The following PAK5 variants were observed in gnomAD, a reference collection of about 807,000 sequenced individuals.
The protein encoded by PAK5 is serine/threonine-protein kinase PAK 5.
Under a neutral mutation model 65.9 loss-of-function variants are expected in PAK5, and 16 were observed. The observed-to-expected ratio is 0.24, with a 90% CI of 0.16 to 0.37. The LOEUF (loss-of-function observed/expected upper bound fraction) is 0.37, where lower values mean the gene tolerates loss of function less well. Among genes scored for constraint, PAK5 ranks in the 10% least tolerant of loss-of-function variants. The pLI, the probability that PAK5 is intolerant of heterozygous loss-of-function variation, is 1.00. For synonymous variants in PAK5, 371 were observed against 354.9 expected (o/e 1.05, Z -0.51); for missense variants, 785 against 903.9 (o/e 0.87, Z 1.69).
At chr20:9,598,402 T>C (rs2046307933) in intron 3 of PAK5, among the ~76,000 whole-genome samples, 1 of 152,212 alleles carries the variant, frequency 6.6e-6, no homozygotes, top group Non-Finnish European at 1.5e-5. Context: ...CTATTGCAGA[T>C]AGTGCTGTAA....
At chr20:9,579,092 G>A (rs1298093316) in intron 4 of PAK5, among the ~76,000 whole-genome samples, 3 of 152,190 alleles carry the variant, frequency 2.0e-5, no homozygotes, top group South Asian at 4.1e-4. Context: ...GAAAAATATC[G>A]ACTATCTATA....
Position 9,580,336 on chromosome 20 carries a change from T to A in PAK5, c.799A>T (p.Arg267Trp). Residue 267 changes from arginine (R) to tryptophan (W), a missense_variant, in exon 4 of 10, where the codon AGG (arginine) becomes TGG (tryptophan). Physicochemically the swap from Arg to Trp is moderately radical, Grantham distance 101. This residue lies in a region of PAK5 where 422 missense variants were observed against 413.3 expected (regional missense o/e 1.02). Transcript: ENST00000353224. ...WGPSLDDYDR[R>W]PKSSYLNQTS... is the part of the protein sequence containing the mutation. The stretch of plus-strand genomic sequence containing the variant: ...TGATTCAGGTACGAAGACTTTGGCC[T>A]CCTGTCATAGTCATCCAGGCTGGGT... The A allele has an allele frequency of 6.2e-7, 1 of 1,614,114 alleles. No homozygotes were observed. Among genetic ancestry groups the A allele is most frequent in the South Asian group, 1.1e-5 (1 of 91,084 alleles).
chr20:9,641,950 C>A (rs7273516), intron 3 of PAK5, among the ~76,000 whole-genome samples: 8 of 151,828 alleles, frequency 5.3e-5, no homozygotes, highest in Non-Finnish European at 8.8e-5. Context: ...CATGCAGCCC[C>A]GGTTCCCACT....
chr20:9,615,255 T>C (rs1395699440), intron 3 of PAK5, among the ~76,000 whole-genome samples: 1 of 152,168 alleles, frequency 6.6e-6, no homozygotes, highest in Admixed American at 6.5e-5. Context: ...TAGATACAGC[T>C]CAGACACTTG....
intron 1 of PAK5, among the ~76,000 whole-genome samples, chr20:9,739,230 T>TTC (rs1488139463): frequency 6.7e-6 from 1 of 148,976 alleles, no homozygotes; most frequent in Non-Finnish European, 1.5e-5. Flanking sequence ...TTTGCTTTCT[T>TTC]TTTTTTTTTT....
At chr20:9,805,731 G>A (rs1325905629) in intron 1 of PAK5, among the ~76,000 whole-genome samples, 2 of 152,126 alleles carry the variant, frequency 1.3e-5, no homozygotes, top group African/African-American at 2.4e-5. Context: ...AGGGGCCTGG[G>A]GGAGGAGAGA....
chr20:9,781,012 G>T (rs1408437938), intron 1 of PAK5, among the ~76,000 whole-genome samples: 1 of 152,000 alleles, frequency 6.6e-6, no homozygotes, highest in East Asian at 1.9e-4. Flanking sequence ...GCCTAATACA[G>T]CATCCTCAGG....
At chr20:9,547,359 C>T (rs1009777095) in intron 7 of PAK5, among the ~76,000 whole-genome samples, 1 of 152,102 alleles carries the variant, frequency 6.6e-6, no homozygotes, top group Non-Finnish European at 1.5e-5. Context: ...TTATAGCAGT[C>T]CTAGGAAATG....
chr20:9,558,043 T>TATTCATTCATTCATTC (rs35860631), intron 6 of PAK5, among the ~76,000 whole-genome samples: 225 of 138,948 alleles, frequency 1.6e-3, no homozygotes, highest in African/African-American at 4.3e-3. Context: ...TTTATTTATT[T>TATTCATTCATTCATTC]ATTCATTCAT....
chr20:9,739,026 C>G (rs2048422150), intron 1 of PAK5, among the ~76,000 whole-genome samples: 1 of 152,120 alleles, frequency 6.6e-6, no homozygotes, highest in Non-Finnish European at 1.5e-5. Context: ...TGCTCTAACT[C>G]CTCTACTGTA....
chr20:9,677,493 C>T (rs1410509766), intron 2 of PAK5, among the ~76,000 whole-genome samples: 2 of 152,170 alleles, frequency 1.3e-5, no homozygotes, highest in African/African-American at 4.8e-5. Context: ...TGTGACCACA[C>T]TTAAGTTTAG....
chr20:9,661,853 G>C (rs560354280), intron 2 of PAK5, among the ~76,000 whole-genome samples: 1 of 152,048 alleles, frequency 6.6e-6, no homozygotes, highest in Admixed American at 6.6e-5. Context: ...ATCTTTAGGG[G>C]CCAAAAGCCT....
At chr20:9,541,337 C>T (rs901169492) in intron 9 of PAK5, among the ~76,000 whole-genome samples, 1 of 152,136 alleles carries the variant, frequency 6.6e-6, no homozygotes, top group African/African-American at 2.4e-5. Flanking sequence ...GCAGCTCCTA[C>T]AGTGGTGATT....
intron 7 of PAK5, among the ~76,000 whole-genome samples, chr20:9,556,585 T>C (rs1414246989): frequency 6.6e-6 from 1 of 152,224 alleles, no homozygotes; most frequent in Non-Finnish European, 1.5e-5. Flanking sequence ...CCGGAGAGCC[T>C]AATGGTATAG....
At chr20:9,835,332 G>T (rs189938469) in intron 1 of PAK5, among the ~76,000 whole-genome samples, 125 of 152,304 alleles carry the variant, frequency 8.2e-4, no homozygotes, top group African/African-American at 2.9e-3. Flanking sequence ...GGGTCGGTGG[G>T]GAAGAGAGAT....
At chr20:9,630,450 C>G (rs1197426606) in intron 3 of PAK5, among the ~76,000 whole-genome samples, 1 of 152,188 alleles carries the variant, frequency 6.6e-6, no homozygotes, top group Non-Finnish European at 1.5e-5. Flanking sequence ...GGCCAAGGAA[C>G]AGGAAGGCTT....
intron 2 of PAK5, 68 bp from the exon 3 acceptor site, chr20:9,644,407 T>C (rs771061068): frequency 2.0e-6 from 2 of 1,002,552 alleles, no homozygotes; most frequent in Non-Finnish European, 3.1e-6. Context: ...GAGAAAGCTA[T>C]TGTTAATTCA....
chr20:9,541,032 A>G (rs2045254084), intron 9 of PAK5, among the ~76,000 whole-genome samples: 1 of 152,124 alleles, frequency 6.6e-6, no homozygotes, highest in Admixed American at 6.5e-5. Flanking sequence ...CACCACACCC[A>G]GCCACTTTTC....
At chr20:9,721,332 GA>G (rs978121900) in intron 1 of PAK5, among the ~76,000 whole-genome samples, 1 of 151,968 alleles carries the variant, frequency 6.6e-6, no homozygotes, top group African/African-American at 2.4e-5. Flanking sequence ...AGTGCTCCCT[GA>G]AGGCTCCACA....
Sources: gnomAD v4.1 joint callset for allele counts (sites outside exome capture counted in the v4.1 genomes callset) on GRCh38, gnomAD v4.1.1 for gene constraint, gnomAD v4.1.1 regional missense constraint, MANE v1.5 for transcripts, NCBI Gene and HGNC (gene_info 2026-07-23, HGNC 2026-07-21) for gene names.